LIN9: variants seen among roughly 807,000 people sequenced by gnomAD.
LIN9 encodes protein lin-9 homolog.
In LIN9, 18 loss-of-function variants were observed where a neutral mutation model predicts 78.0. The ratio of observed to expected loss-of-function variants is 0.23; its 90% confidence interval spans 0.16 to 0.34. The LOEUF (loss-of-function observed/expected upper bound fraction) is 0.34, where lower values mean the gene tolerates loss of function less well. LIN9 is among the 10% of genes least tolerant of loss of function. The pLI is 1.00. For synonymous variants in LIN9, 192 were observed against 215.2 expected, an observed-to-expected ratio of 0.89 and a Z score of 0.94; for missense variants, 451 against 644.1, an observed-to-expected ratio of 0.70 and a Z score of 3.25.
rs368923092 is a variant in LIN9, at chr1:226,232,491, A to G, written c.*10T>C. On this transcript the variant is annotated 3_prime_UTR_variant, in exon 15 of 15. Transcript: ENST00000681046. ...AATGTCCCGTGCAGTTGGAATAATG[A>G]AATCTTTACTCAGTCTCTGTTGGTG... is the stretch of plus-strand genomic sequence containing the variant. The G allele has an allele frequency of 2.2e-4, 343 of 1,581,540 alleles. 5 individuals are homozygous for G. In the Admixed American group the frequency reaches 5.4e-3, roughly 25 times the overall value.
chr1:226,289,186 G>A (rs1170025839), intron 4 of LIN9, among the ~76,000 whole-genome samples: 1 of 151,714 alleles, frequency 6.6e-6, no homozygotes. Context: ...AGTGAGCAGA[G>A]ATCACACCAC....
In LIN9 at chr1:226,257,305, C is replaced by T. The variant is rs528874830; in HGVS notation, c.1039-6386G>A. Among the ~76,000 whole-genome samples, 3 of 152,214 alleles carry T rather than the reference C, an allele frequency of 2.0e-5. No homozygotes were observed. In the South Asian group the frequency reaches 6.2e-4, roughly 32 times the overall value. ...AAGAAAATTTTATATGTCAGAAACTCAGATATAAATAAAGGAAATGTATCA... is the reference window on the plus strand; with the variant it reads ...AAGAAAATTTTATATGTCAGAAACTTAGATATAAATAAAGGAAATGTATCA... On this transcript the variant is annotated intron_variant, in intron 10 of 14. Coordinates refer to ENST00000681046, the MANE Select transcript of LIN9 (RefSeq NM_001366245.2).
intron 1 of LIN9, 122 bp downstream of exon 1, chr1:226,308,987 A>T (rs999524640): frequency 1.7e-5 from 17 of 984,314 alleles, no homozygotes; most frequent in Non-Finnish European, 2.1e-5. Context: ...CTAGGGGACC[A>T]CAGTGGGGCT....
Position 226,233,339 on chromosome 1 carries a change from T to C in LIN9, c.1425+5A>G. On this transcript the variant is annotated splice_donor_5th_base_variant and intron_variant, in intron 13 of 14. Coordinates refer to ENST00000681046, the MANE Select transcript of LIN9 (RefSeq NM_001366245.2). Reference sequence around the variant, plus strand: ...AATTAAGAAAATATTTTCTCTAAGATTTACCTTAATTTGTAACAAAATAGC... The same window carrying C: ...AATTAAGAAAATATTTTCTCTAAGACTTACCTTAATTTGTAACAAAATAGC... The C allele has an allele frequency of 6.2e-7, 1 of 1,601,114 alleles. No individual in the cohort carries two copies. The highest frequency in any genetic ancestry group is 8.5e-7 in the Non-Finnish European group (1 of 1,172,962).
At chr1:226,268,674 G>A (rs960159941) in intron 7 of LIN9, among the ~76,000 whole-genome samples, 1 of 152,180 alleles carries the variant, frequency 6.6e-6, no homozygotes, top group South Asian at 2.1e-4. Flanking sequence ...ATTTTAGTAT[G>A]TACTAGGCAA....
At chr1:226,246,380 A>C (rs996034070) in intron 11 of LIN9, among the ~76,000 whole-genome samples, 4 of 152,130 alleles carry the variant, frequency 2.6e-5, no homozygotes, top group Admixed American at 2.0e-4. Flanking sequence ...TGGAGATGGT[A>C]GCTCTCAGAC....
At chr1:226,280,138 C>T (rs956546202) in intron 6 of LIN9, among the ~76,000 whole-genome samples, 9 of 152,158 alleles carry the variant, frequency 5.9e-5, no homozygotes, top group African/African-American at 1.7e-4. Flanking sequence ...ATCTTCCTTC[C>T]GTTTTCAAAT....
chr1:226,254,772 G>A (rs569778023), intron 10 of LIN9, among the ~76,000 whole-genome samples: 18 of 151,964 alleles, frequency 1.2e-4, no homozygotes, highest in Admixed American at 8.5e-4. Flanking sequence ...TTAGCCGGGC[G>A]TAGTGGAGGG....
chr1:226,246,407 G>A (rs570419259), intron 11 of LIN9, among the ~76,000 whole-genome samples: 3 of 152,158 alleles, frequency 2.0e-5, no homozygotes, highest in South Asian at 2.1e-4. Flanking sequence ...TTGGTTGCTC[G>A]TTTGTACATA....
At chr1:226,253,282 G>GAGAA (rs1200764300) in intron 10 of LIN9, among the ~76,000 whole-genome samples, 2 of 127,032 alleles carry the variant, frequency 1.6e-5, no homozygotes, top group African/African-American at 5.9e-5. Context: ...AAAAAAAAAA[G>GAGAA]AGAAAGAAAG....
At chr1:226,309,240 C>CCGCGG (rs768727902), upstream of LIN9, 2 of 1,364,706 alleles carry the variant, frequency 1.5e-6, no homozygotes, top group East Asian at 3.3e-5. Flanking sequence ...AGCTCGCTGC[C>CCGCGG]CGCGGCGCCG....
intron 7 of LIN9, 104 bp downstream of exon 7, chr1:226,277,671 T>C: frequency 9.9e-7 from 1 of 1,010,864 alleles, no homozygotes; most frequent in Non-Finnish European, 1.4e-6. Flanking sequence ...TGTAAATATT[T>C]CTTGGTAATT....
intron 5 of LIN9, among the ~76,000 whole-genome samples, chr1:226,286,815 T>C (rs764472939): frequency 1.2e-4 from 18 of 152,222 alleles, no homozygotes; most frequent in Non-Finnish European, 2.4e-4. Flanking sequence ...CAAGGAGTCC[T>C]CTTTGGAATT....
intron 7 of LIN9, among the ~76,000 whole-genome samples, chr1:226,273,869 ACTCT>A (rs1325691891): frequency 7.1e-6 from 1 of 140,952 alleles, no homozygotes; most frequent in East Asian, 2.1e-4. Flanking sequence ...ACGGAGTCTC[ACTCT>A]GTCACCCAGG....
chr1:226,283,127 T>A (rs1661170990), intron 6 of LIN9, among the ~76,000 whole-genome samples: 1 of 152,034 alleles, frequency 6.6e-6, no homozygotes, highest in South Asian at 2.1e-4. Flanking sequence ...GCTAAGTTTA[T>A]TTTATTTACT....
chr1:226,280,781 A>C (rs1660998355), intron 6 of LIN9, among the ~76,000 whole-genome samples: 1 of 152,108 alleles, frequency 6.6e-6, no homozygotes, highest in Non-Finnish European at 1.5e-5. Context: ...CTCAAAAACA[A>C]ACACATAAAC....
At chr1:226,273,697 T>G (rs1660448931) in intron 7 of LIN9, among the ~76,000 whole-genome samples, 1 of 152,160 alleles carries the variant, frequency 6.6e-6, no homozygotes, top group Admixed American at 6.6e-5. Context: ...CCAGGCCCTA[T>G]CCCAGACCTT....
chr1:226,241,407 A>C (rs1311378496), intron 11 of LIN9, among the ~76,000 whole-genome samples: 1 of 152,228 alleles, frequency 6.6e-6, no homozygotes, highest in African/African-American at 2.4e-5. Flanking sequence ...CAAAATCATT[A>C]AAAGCTCTAT....
chr1:226,271,556 G>T (rs1165709378), intron 7 of LIN9, among the ~76,000 whole-genome samples: 2 of 152,046 alleles, frequency 1.3e-5, no homozygotes, highest in Non-Finnish European at 2.9e-5. Context: ...TATGTATTCT[G>T]CAGTTGAGTG....
Sources: allele counts gnomAD v4.1 joint callset (sites outside exome capture counted in the v4.1 genomes callset), GRCh38; gene constraint gnomAD v4.1.1; transcripts MANE v1.5; gene names NCBI Gene and HGNC (gene_info 2026-07-23, HGNC 2026-07-21).